BAZ2B: variants seen among roughly 807,000 people sequenced by gnomAD.
BAZ2B encodes the protein bromodomain adjacent to zinc finger domain protein 2B.
A neutral mutation model predicts 246.0 loss-of-function variants in BAZ2B; 91 were observed. The ratio of observed to expected loss-of-function variants is 0.37; its 90% CI spans 0.31 to 0.44. BAZ2B has a LOEUF of 0.44. BAZ2B is among the 20% of genes least tolerant of loss of function. The pLI is 1.00. For missense variants in BAZ2B, 2,332 were observed against 2,533.7 expected (o/e 0.92, Z 1.71); for synonymous variants, 855 against 860.0 (o/e 0.99, Z 0.10).
chr2:159,600,039 G>A (rs1023355517), intron 1 of BAZ2B, among the ~76,000 whole-genome samples: 2 of 152,024 alleles, frequency 1.3e-5, no homozygotes, highest in Non-Finnish European at 2.9e-5. Context: ...TCCCAGGCTT[G>A]CTTTCTAGCC....
rs13017594 is a variant in BAZ2B at position 159,564,326 on chromosome 2, G to A, written c.-45-8461C>T. Among the ~76,000 whole-genome samples the A allele has an allele frequency of 1.0e-3, 153 of 152,244 alleles. 1 individual carries two copies. Among genetic ancestry groups the A allele is most frequent in the Middle Eastern group, 3.4e-3 (1 of 294 alleles). On this transcript the variant is annotated intron_variant, in intron 1 of 36. Transcript: ENST00000392783. ...ACCACAGAGGGCCTGGAAAGCAACA[G>A]TAAATACTCTAGATGTTATTCTACA...
the BAZ2B span, among the ~76,000 whole-genome samples, chr2:159,633,992 G>A: frequency 6.6e-6 from 1 of 151,958 alleles, no homozygotes; most frequent in Admixed American, 6.6e-5. Flanking sequence ...TACCCACCTC[G>A]GGCTCCCAAA....
rs2063845741 is a variant in BAZ2B, at chr2:159,395,178, C to A, written c.3075+591G>T. 1.3e-5 allele frequency among the ~76,000 whole-genome samples: 2 copies of A among 152,060 alleles called. 1 individual carries two copies. Among genetic ancestry groups the A allele is most frequent in the South Asian group, 4.2e-4 (2 of 4,814 alleles). On this transcript the variant is annotated intron_variant, in intron 20 of 36. Transcript: ENST00000392783. ...ACCTGTGTCTTTCAACCTCCAAAGC[C>A]CCAGTTATAATGACTCTATTCAACT...
the BAZ2B span, among the ~76,000 whole-genome samples, chr2:159,651,740 C>T: frequency 6.6e-6 from 1 of 152,080 alleles, no homozygotes; most frequent in African/African-American, 2.4e-5. Context: ...CCCCCAGTTT[C>T]TGAAAAATAT....
At chr2:159,467,239 T>A (rs753346341) in intron 3 of BAZ2B, among the ~76,000 whole-genome samples, 2 of 152,096 alleles carry the variant, frequency 1.3e-5, no homozygotes, top group Non-Finnish European at 2.9e-5. Context: ...ATGTAAAAAT[T>A]AAGTTGAAAG....
In BAZ2B at chr2:159,441,748, C is replaced by T. The variant is rs569325810; in HGVS notation, c.697-2536G>A. Among the ~76,000 whole-genome samples the T allele has an allele frequency of 1.2e-3, 182 of 152,248 alleles. 1 individual carries two copies. Among genetic ancestry groups the T allele is most frequent in the Admixed American group, 0.012 (182 of 15,288 alleles). ...CACTGCAGCCTTGAACTCCTGGGCTCAAGCGATTCTCCTGCCTCAGCCTTC... is the reference window on the plus strand; with the variant it reads ...CACTGCAGCCTTGAACTCCTGGGCTTAAGCGATTCTCCTGCCTCAGCCTTC... On this transcript the variant is annotated intron_variant, in intron 6 of 36. Coordinates refer to ENST00000392783, the MANE Select transcript of BAZ2B (RefSeq NM_013450.4).
At chr2:159,507,273 A>G (rs553964248) in intron 2 of BAZ2B, among the ~76,000 whole-genome samples, 2 of 152,210 alleles carry the variant, frequency 1.3e-5, no homozygotes, top group South Asian at 4.1e-4. Flanking sequence ...CAAAACTTGA[A>G]GAAATAGGCT....
intron 36 of BAZ2B, 91 bp from the exon 37 acceptor site, chr2:159,320,509 A>C (rs1185515840): frequency 9.3e-7 from 1 of 1,074,072 alleles, no homozygotes; most frequent in African/African-American, 1.7e-5. Context: ...AAAATGAAAG[A>C]AAAATGATTA....
intron 34 of BAZ2B, 99 bp downstream of exon 34, chr2:159,332,441 C>T: frequency 8.2e-7 from 1 of 1,219,060 alleles, no homozygotes; most frequent in Non-Finnish European, 1.1e-6. Flanking sequence ...GGGCTATGAT[C>T]ATACCACTGC....
At chr2:159,406,055 TC>T (rs2065883847) in intron 14 of BAZ2B, among the ~76,000 whole-genome samples, 1 of 152,226 alleles carries the variant, frequency 6.6e-6, no homozygotes, top group Admixed American at 6.5e-5. Context: ...AAAGTTAATG[TC>T]CCCAATTCTT....
chr2:159,425,724 G>A (rs940101009), intron 13 of BAZ2B, among the ~76,000 whole-genome samples: 2 of 152,190 alleles, frequency 1.3e-5, no homozygotes, highest in African/African-American at 4.8e-5. Flanking sequence ...GGTAGCAGTA[G>A]CTTTGTGTCA....
chr2:159,341,449 C>T (rs2066699402), intron 31 of BAZ2B, among the ~76,000 whole-genome samples: 1 of 152,078 alleles, frequency 6.6e-6, no homozygotes, highest in South Asian at 2.1e-4. Flanking sequence ...ATTTCAACAT[C>T]CCACTGTCAG....
intron 3 of BAZ2B, among the ~76,000 whole-genome samples, chr2:159,475,122 C>A (rs2078349145): frequency 1.3e-5 from 2 of 152,152 alleles, no homozygotes; most frequent in Non-Finnish European, 1.5e-5. Flanking sequence ...TGGGGAAATT[C>A]TCCCGGGTAA....
intron 2 of BAZ2B, among the ~76,000 whole-genome samples, chr2:159,551,564 T>C (rs1361235538): frequency 6.6e-6 from 1 of 150,866 alleles, no homozygotes; most frequent in Non-Finnish European, 1.5e-5. Flanking sequence ...ATATAGCCAC[T>C]ATAATAATGA....
At chr2:159,325,057 AT>A (rs2063331986) in intron 35 of BAZ2B, 103 bp from the exon 36 acceptor site, 1 of 8,064 alleles carries the variant, frequency 1.2e-4, no homozygotes, top group Non-Finnish European at 2.3e-4. Flanking sequence ...ATATATATAT[AT>A]ATTATATATA....
chr2:159,695,920 C>G, the BAZ2B span, among the ~76,000 whole-genome samples: 1 of 151,898 alleles, frequency 6.6e-6, no homozygotes, highest in Non-Finnish European at 1.5e-5. Flanking sequence ...CCATGCCTGG[C>G]TGAGTCCTTT....
chr2:159,495,861 G>A (rs993741678), intron 2 of BAZ2B, among the ~76,000 whole-genome samples: 1 of 150,618 alleles, frequency 6.6e-6, no homozygotes, highest in Non-Finnish European at 1.5e-5. Context: ...TCTGCCTCCC[G>A]GGTTCTCACC....
intron 27 of BAZ2B, among the ~76,000 whole-genome samples, chr2:159,363,853 G>A (rs2059959539): frequency 6.6e-6 from 1 of 152,174 alleles, no homozygotes; most frequent in African/African-American, 2.4e-5. Flanking sequence ...GGAGTCACCA[G>A]AAGATTAGGT....
chr2:159,317,379 G>A (rs1426317778), downstream of BAZ2B, among the ~76,000 whole-genome samples: 1 of 152,198 alleles, frequency 6.6e-6, no homozygotes, highest in Non-Finnish European at 1.5e-5. Flanking sequence ...TTTTATTTTG[G>A]AGTTGGAACA....
Sources: gnomAD v4.1 joint callset for allele counts (sites outside exome capture counted in the v4.1 genomes callset) on GRCh38, gnomAD v4.1.1 for gene constraint, MANE v1.5 for transcripts, NCBI Gene and HGNC (gene_info 2026-07-23, HGNC 2026-07-21) for gene names.